The following DYNC1I2 variants were observed in gnomAD, a reference collection of about 807,000 sequenced individuals.
DYNC1I2 encodes the protein dynein cytoplasmic 1 intermediate chain 2.
A neutral mutation model predicts 88.6 loss-of-function variants in DYNC1I2; 53 were observed. The ratio of observed to expected loss-of-function variants is 0.60; its 90% confidence interval spans 0.48 to 0.75. The LOEUF (loss-of-function observed/expected upper bound fraction) is 0.75. Ranked by LOEUF, DYNC1I2 falls within the 30% of genes least tolerant of loss-of-function variation. The pLI, the probability that DYNC1I2 is intolerant of heterozygous loss-of-function variation, is 0.00. For missense variants in DYNC1I2, 458 were observed against 766.6 expected, an observed-to-expected ratio of 0.60 and a Z score of 4.75; for synonymous variants, 198 against 254.6, an observed-to-expected ratio of 0.78 and a Z score of 2.12.
chr2:171,739,685 T>C (rs551026430), intron 15 of DYNC1I2, among the ~76,000 whole-genome samples: 4 of 149,822 alleles, frequency 2.7e-5, no homozygotes, highest in African/African-American at 7.4e-5. Context: ...CCATTTGCGA[T>C]TGACATATCT....
intron 15 of DYNC1I2, among the ~76,000 whole-genome samples, chr2:171,739,485 A>AT (rs1245920848): frequency 3.3e-5 from 5 of 152,122 alleles, no homozygotes; most frequent in East Asian, 1.9e-4. Flanking sequence ...AAGCCTATAC[A>AT]TACCATTTCA....
intron 12 of DYNC1I2, 21 bp downstream of exon 12, chr2:171,727,988 C>A: frequency 6.2e-7 from 1 of 1,608,360 alleles, no homozygotes; most frequent in African/African-American, 1.3e-5. Flanking sequence ...AAGGTTATTT[C>A]CATTAGGCTT....
intron 5 of DYNC1I2, among the ~76,000 whole-genome samples, chr2:171,709,682 G>C (rs1442466726): frequency 6.6e-6 from 1 of 152,156 alleles, no homozygotes; most frequent in Non-Finnish European, 1.5e-5. Flanking sequence ...GTTTAACGGA[G>C]AGAAAAATCC....
chr2:171,732,807 C>T (rs572773287), intron 15 of DYNC1I2, among the ~76,000 whole-genome samples: 2 of 152,132 alleles, frequency 1.3e-5, no homozygotes, highest in Non-Finnish European at 2.9e-5. Flanking sequence ...ACAGGAGACA[C>T]ATTTTTGTTA....
At chr2:171,746,021 G>C in intron 17 of DYNC1I2, 94 bp downstream of exon 17, 1 of 1,393,220 alleles carries the variant, frequency 7.2e-7, no homozygotes, top group Non-Finnish European at 1.0e-6. Context: ...TGAGGTTTAT[G>C]AGTTGTTTAA....
intron 17 of DYNC1I2, 139 bp from the exon 18 acceptor site, chr2:171,747,637 A>C (rs1391217139): frequency 1.7e-6 from 1 of 586,252 alleles, no homozygotes; most frequent in African/African-American, 1.9e-5. Flanking sequence ...TCATTGTTAT[A>C]GTCCCCGTAA....
At chr2:171,698,644 C>T (rs905011589) in intron 3 of DYNC1I2, among the ~76,000 whole-genome samples, 3 of 151,700 alleles carry the variant, frequency 2.0e-5, no homozygotes, top group African/African-American at 7.3e-5. Flanking sequence ...CTGAGGCGGG[C>T]GGATCACGAG....
chr2:171,697,931 CAT>C (rs1459268637), intron 3 of DYNC1I2, among the ~76,000 whole-genome samples: 19 of 152,166 alleles, frequency 1.2e-4, no homozygotes, highest in African/African-American at 3.6e-4. Flanking sequence ...AAGAAAATCT[CAT>C]AAGTGATGTT....
chr2:171,712,719 T>C (rs1161832393), intron 5 of DYNC1I2, 48 bp from the exon 6 acceptor site: 11 of 1,411,130 alleles, frequency 7.8e-6, no homozygotes, highest in Non-Finnish European at 1.1e-5. Flanking sequence ...CTTGACTAAC[T>C]TATGGCCTTT....
chr2:171,689,641 G>A (rs944960978), intron 1 of DYNC1I2, among the ~76,000 whole-genome samples: 5 of 151,866 alleles, frequency 3.3e-5, no homozygotes, highest in Non-Finnish European at 5.9e-5. Flanking sequence ...CTCAGCTCTA[G>A]GTAATATTTA....
At chr2:171,721,392 A>T (rs1440548444) in intron 7 of DYNC1I2, among the ~76,000 whole-genome samples, 2 of 152,176 alleles carry the variant, frequency 1.3e-5, no homozygotes, top group Non-Finnish European at 2.9e-5. Context: ...CTTTGTCCCA[A>T]TGAAGATTCT....
intron 4 of DYNC1I2, 139 bp from the exon 5 acceptor site, chr2:171,707,148 T>C: frequency 3.3e-6 from 4 of 1,216,184 alleles, no homozygotes; most frequent in Middle Eastern, 3.9e-4. Context: ...TTCATTTTCA[T>C]TCATATATTT....
At chr2:171,742,612 A>G (rs1689522362) in intron 15 of DYNC1I2, among the ~76,000 whole-genome samples, 1 of 152,194 alleles carries the variant, frequency 6.6e-6, no homozygotes, top group Non-Finnish European at 1.5e-5. Context: ...GCTATTGTCT[A>G]CTAGTGAAAT....
At chr2:171,722,651 A>AT (rs1373899185) in intron 7 of DYNC1I2, among the ~76,000 whole-genome samples, 1 of 152,196 alleles carries the variant, frequency 6.6e-6, no homozygotes, top group African/African-American at 2.4e-5. Flanking sequence ...CAAGAAAAGC[A>AT]TATTTGTTTC....
chr2:171,726,263 G>A lies in DYNC1I2; in HGVS notation c.840G>A (p.Arg280=). The change falls in exon 10 of 18, where the codon CGG becomes CGA. Residue 280 remains arginine (R), a synonymous_variant. Transcript: ENST00000397119. ...QFFDERWSKH[R]VVSCLDWSSQ... The stretch of plus-strand genomic sequence containing the variant: ...TTGACGAACGTTGGTCAAAGCATCG[G>A]GTGGTTAGTTGTTTGGATTGGTCAT... The A allele has an allele frequency of 6.2e-7, 1 of 1,611,810 alleles. No homozygotes were observed. The highest frequency in any genetic ancestry group is 8.5e-7 in the Non-Finnish European group (1 of 1,179,290).
chr2:171,707,458 A>G (rs570787315), intron 5 of DYNC1I2, 81 bp downstream of exon 5: 3 of 1,253,246 alleles, frequency 2.4e-6, no homozygotes, highest in African/African-American at 3.1e-5. Flanking sequence ...AAGGGACTCT[A>G]AATAGTTGTG....
chr2:171,729,317 T>C (rs1202522367), intron 14 of DYNC1I2, among the ~76,000 whole-genome samples: 1 of 152,192 alleles, frequency 6.6e-6, no homozygotes, highest in Non-Finnish European at 1.5e-5. Flanking sequence ...TAGCTGTACC[T>C]TATTGCTTCC....
At chr2:171,698,143 A>G (rs1280178015) in intron 3 of DYNC1I2, among the ~76,000 whole-genome samples, 1 of 152,180 alleles carries the variant, frequency 6.6e-6, no homozygotes, top group Non-Finnish European at 1.5e-5. Flanking sequence ...TGATGGTGTT[A>G]ATACTCATCG....
intron 3 of DYNC1I2, among the ~76,000 whole-genome samples, chr2:171,697,432 G>T (rs1685858308): frequency 6.6e-6 from 1 of 152,014 alleles, no homozygotes; most frequent in Non-Finnish European, 1.5e-5. Flanking sequence ...TCCCCTCCTG[G>T]GTTTGTCTGA....
Sources: allele counts gnomAD v4.1 joint callset (sites outside exome capture counted in the v4.1 genomes callset), GRCh38; gene constraint gnomAD v4.1.1; transcripts MANE v1.5; gene names NCBI Gene and HGNC (gene_info 2026-07-23, HGNC 2026-07-21).